CNTLN: variants seen among roughly 807,000 people sequenced by gnomAD.
The protein encoded by CNTLN is centlein, centrosomal protein.
Under a neutral mutation model 180.0 loss-of-function variants are expected in CNTLN, and 212 were observed. That is an observed-to-expected ratio of 1.18 (90% CI 1.05 to 1.32). The LOEUF is 1.32. Ranked by LOEUF, CNTLN falls within the 40% of genes most tolerant of loss-of-function variation. The pLI, the probability that CNTLN is intolerant of heterozygous loss-of-function variation, is 0.00. For missense variants in CNTLN, 2,095 were observed against 1,610.9 expected (o/e 1.30, Z -5.14); for synonymous variants, 722 against 563.1 (o/e 1.28, Z -3.99).
chr9:17,179,368 TG>T (rs1270535726), intron 2 of CNTLN, among the ~76,000 whole-genome samples: 1 of 152,216 alleles, frequency 6.6e-6, no homozygotes, highest in Non-Finnish European at 1.5e-5. Context: ...CCCCATATTT[TG>T]ATATGCTGCC....
chr9:17,323,449 C>T (rs576667064), intron 8 of CNTLN, among the ~76,000 whole-genome samples: 6 of 152,254 alleles, frequency 3.9e-5, no homozygotes, highest in South Asian at 2.1e-4. Flanking sequence ...AGGCGGGTCA[C>T]GAGCTTCAGG....
intron 18 of CNTLN, among the ~76,000 whole-genome samples, chr9:17,436,332 A>G (rs1829775160): frequency 6.6e-6 from 1 of 152,218 alleles, no homozygotes; most frequent in African/African-American, 2.4e-5. Flanking sequence ...TTTTTCGGCA[A>G]TGGCAATCTT....
At chr9:17,321,333 A>T (rs1819895906) in intron 8 of CNTLN, among the ~76,000 whole-genome samples, 1 of 152,164 alleles carries the variant, frequency 6.6e-6, no homozygotes, top group South Asian at 2.1e-4. Flanking sequence ...TTTCTGCATT[A>T]GCAGATGTTA....
At chr9:17,293,436 C>T (rs141742839) in intron 6 of CNTLN, among the ~76,000 whole-genome samples, 2,057 of 152,266 alleles carry the variant, frequency 0.014, 48 homozygotes, top group African/African-American at 0.047. Context: ...TCAGTCCCAG[C>T]GACATCAGAG....
intron 7 of CNTLN, chr9:17,302,089 TACACACAC>T (rs35043839): frequency 6.8e-5 from 63 of 927,778 alleles, no homozygotes; most frequent in African/African-American, 1.9e-4. Flanking sequence ...CACATATGTG[TACACACAC>T]ACACACACAC....
At chr9:17,238,677 A>G (rs1219648688) in intron 5 of CNTLN, among the ~76,000 whole-genome samples, 1 of 152,186 alleles carries the variant, frequency 6.6e-6, no homozygotes. Context: ...CTTCTGTGTC[A>G]TGTAAAACTT....
At chr9:17,386,997 G>T (rs549317434) in intron 13 of CNTLN, among the ~76,000 whole-genome samples, 6 of 152,214 alleles carry the variant, frequency 3.9e-5, no homozygotes, top group African/African-American at 2.4e-5. Context: ...TCAAGGTAAA[G>T]GTACTTATTC....
At chr9:17,514,452 A>G in the CNTLN span, among the ~76,000 whole-genome samples, 2 of 152,208 alleles carry the variant, frequency 1.3e-5, no homozygotes, top group Non-Finnish European at 2.9e-5. Flanking sequence ...CAAAAAACAG[A>G]CAATTCCTTT....
chr9:17,405,793 A>G (rs772224947), intron 15 of CNTLN, among the ~76,000 whole-genome samples: 1 of 151,296 alleles, frequency 6.6e-6, no homozygotes, highest in Admixed American at 6.6e-5. Context: ...TATTATTATT[A>G]TTTTTATTTT....
chr9:17,511,355 A>G, the CNTLN span, among the ~76,000 whole-genome samples: 4 of 152,206 alleles, frequency 2.6e-5, no homozygotes, highest in Non-Finnish European at 5.9e-5. Context: ...AAATTTCTCT[A>G]AAACCTAGTG....
intron 6 of CNTLN, among the ~76,000 whole-genome samples, chr9:17,284,082 C>A (rs112046735): frequency 0.01 from 1,551 of 152,048 alleles, 28 homozygotes; most frequent in African/African-American, 0.034. Flanking sequence ...AGTACAATGG[C>A]GTGACCTTGG....
At chr9:17,186,612 T>C (rs1370096473) in intron 2 of CNTLN, among the ~76,000 whole-genome samples, 3 of 152,190 alleles carry the variant, frequency 2.0e-5, no homozygotes, top group Non-Finnish European at 4.4e-5. Flanking sequence ...TAGTTTTTTT[T>C]CCTGGTTCTT....
At position 17,409,396 on chromosome 9, in the gene CNTLN, G is replaced by A. The variant is rs764765647; in HGVS notation, c.2719G>A (p.Asp907Asn). 5 of 1,613,316 alleles carry A rather than the reference G, an allele frequency of 3.1e-6. No homozygotes were observed. The highest frequency in any genetic ancestry group is 4.2e-6 in the Non-Finnish European group (5 of 1,179,598). ...TEDGKDQKES[D>N]PTEDSQTQGK... ...AGATGGAAAAGACCAGAAAGAAAGT[G>A]ATCCAACAGAAGACAGCCAAACACA... The change falls in exon 16 of 26, where the codon GAT (aspartate) becomes AAT (asparagine). Residue 907 changes from aspartate (D) to asparagine (N), a missense_variant. Asp to Asn is a conservative substitution (Grantham distance 23). Coordinates refer to ENST00000380647, the MANE Select transcript of CNTLN (RefSeq NM_017738.4).
chr9:17,355,117 G>T (rs1318897782), intron 12 of CNTLN, among the ~76,000 whole-genome samples: 4 of 152,138 alleles, frequency 2.6e-5, no homozygotes, highest in African/African-American at 9.7e-5. Context: ...AACACTCACC[G>T]CGAGGGTCCG....
intron 2 of CNTLN, among the ~76,000 whole-genome samples, chr9:17,201,562 G>C (rs964744521): frequency 2.6e-5 from 4 of 152,054 alleles, no homozygotes; most frequent in African/African-American, 9.7e-5. Flanking sequence ...GTTTAGTCTT[G>C]GGAGGATGTA....
rs181477912 is a variant in CNTLN at position 17,353,849 on chromosome 9, C to T, written c.1886+11405C>T. Among the ~76,000 whole-genome samples, 794 of 152,280 alleles carry T rather than the reference C, an allele frequency of 5.2e-3. 5 individuals carry two copies. The highest frequency in any genetic ancestry group is 8.2e-3 in the Admixed American group (126 of 15,310). On this transcript the variant is annotated intron_variant, in intron 12 of 25. Transcript: ENST00000380647. ...CCACTTTGGTGGCACTTGAGGAGCC[C>T]TTCAGCCCACCACTGCACTGTGGGA...
At chr9:17,324,293 A>C (rs1198149346) in intron 8 of CNTLN, among the ~76,000 whole-genome samples, 1 of 152,174 alleles carries the variant, frequency 6.6e-6, no homozygotes, top group Non-Finnish European at 1.5e-5. Flanking sequence ...CACTAACAGA[A>C]ACATTTTAAA....
At chr9:17,135,529 GACGCTCCCTGGCAGATGC>G (rs1281548698) in intron 1 of CNTLN, 104 bp downstream of exon 1, 6 of 1,390,138 alleles carry the variant, frequency 4.3e-6, no homozygotes, top group Non-Finnish European at 5.7e-6. Flanking sequence ...CCCGCCCAGC[GACGCTCCCTGGCAGATGC>G]ACACCCTGCT....
At chr9:17,165,081 A>G (rs1414314462) in intron 2 of CNTLN, among the ~76,000 whole-genome samples, 1 of 150,284 alleles carries the variant, frequency 6.7e-6, no homozygotes, top group African/African-American at 2.4e-5. Context: ...CTCGTGATCC[A>G]TCCTCCTTGG....
Sources: allele counts gnomAD v4.1 joint callset (sites outside exome capture counted in the v4.1 genomes callset), GRCh38; gene constraint gnomAD v4.1.1; transcripts MANE v1.5; gene names NCBI Gene and HGNC (gene_info 2026-07-23, HGNC 2026-07-21).